The following CSNK2A2IP variants were observed in gnomAD, a reference collection of about 807,000 sequenced individuals.
CSNK2A2IP encodes the protein casein kinase 2 subunit alpha' interacting protein.
chr3:88,444,794 A>G, the CSNK2A2IP span, among the ~76,000 whole-genome samples: 1 of 152,208 alleles, frequency 6.6e-6, no homozygotes, highest in African/African-American at 2.4e-5. Flanking sequence ...TCTTGATTTT[A>G]TATAAGCAAA....
the CSNK2A2IP span, among the ~76,000 whole-genome samples, chr3:88,362,235 CCTT>C: frequency 2.0e-4 from 30 of 152,152 alleles, no homozygotes; most frequent in African/African-American, 7.0e-4. Context: ...TTATACCTGT[CCTT>C]CTTAAGAGAG....
chr3:88,463,897 C>A, the CSNK2A2IP span, among the ~76,000 whole-genome samples: 6 of 151,976 alleles, frequency 3.9e-5, no homozygotes, highest in African/African-American at 1.2e-4. Context: ...GACTTGGAAA[C>A]AACCCAAATG....
the CSNK2A2IP span, among the ~76,000 whole-genome samples, chr3:88,341,871 T>C: frequency 6.6e-6 from 1 of 151,942 alleles, no homozygotes; most frequent in African/African-American, 2.4e-5. Context: ...AAAACAATGG[T>C]GATGGTCTAT....
chr3:88,351,799 G>A, the CSNK2A2IP span, among the ~76,000 whole-genome samples: 1 of 151,970 alleles, frequency 6.6e-6, no homozygotes, highest in South Asian at 2.1e-4. Flanking sequence ...AATTTATGTT[G>A]AAACTTTAAT....
the CSNK2A2IP span, among the ~76,000 whole-genome samples, chr3:88,407,333 C>G: frequency 6.9e-6 from 1 of 145,156 alleles, no homozygotes; most frequent in Non-Finnish European, 1.5e-5. Flanking sequence ...GGTCTGAATG[C>G]ATATTCATGC....
chr3:88,453,978 A>T, the CSNK2A2IP span, among the ~76,000 whole-genome samples: 25 of 152,054 alleles, frequency 1.6e-4, no homozygotes, highest in African/African-American at 5.8e-4. Context: ...ATTATGTGGT[A>T]CATGTATATT....
chr3:88,406,593 T>C, the CSNK2A2IP span, among the ~76,000 whole-genome samples: 6 of 152,202 alleles, frequency 3.9e-5, no homozygotes, highest in Admixed American at 3.9e-4. Flanking sequence ...ATAACACTGA[T>C]TGAATGATTT....
At chr3:88,449,872 T>TAGAG in the CSNK2A2IP span, among the ~76,000 whole-genome samples, 1,126 of 78,980 alleles carry the variant, frequency 0.014, 22 homozygotes, top group Middle Eastern at 0.032. Flanking sequence ...TATATATATA[T>TAGAG]ATAGAGAGAG....
chr3:88,374,796 T>C, the CSNK2A2IP span, among the ~76,000 whole-genome samples: 1 of 151,700 alleles, frequency 6.6e-6, no homozygotes, highest in Non-Finnish European at 1.5e-5. Context: ...TGGGATCCAC[T>C]GTTGCTTCTT....
At chr3:88,350,862 T>C in the CSNK2A2IP span, among the ~76,000 whole-genome samples, 2 of 152,176 alleles carry the variant, frequency 1.3e-5, no homozygotes, top group African/African-American at 4.8e-5. Context: ...GCTCCCATGA[T>C]CTGTTGGTCA....
chr3:88,378,782 C>T, the CSNK2A2IP span, among the ~76,000 whole-genome samples: 1 of 151,716 alleles, frequency 6.6e-6, no homozygotes, highest in Non-Finnish European at 1.5e-5. Flanking sequence ...TCTGTGTATC[C>T]TAATGCATCT....
At chr3:88,344,572 A>G in the CSNK2A2IP span, among the ~76,000 whole-genome samples, 1 of 151,928 alleles carries the variant, frequency 6.6e-6, no homozygotes, top group Non-Finnish European at 1.5e-5. Flanking sequence ...GATTTGATGT[A>G]CCAATTTCTT....
At chr3:88,344,420 T>G in the CSNK2A2IP span, among the ~76,000 whole-genome samples, 1 of 151,966 alleles carries the variant, frequency 6.6e-6, no homozygotes, top group Non-Finnish European at 1.5e-5. Flanking sequence ...AGGTTCATAT[T>G]GAGAAGCTCA....
the CSNK2A2IP span, among the ~76,000 whole-genome samples, chr3:88,356,519 T>C: frequency 6.6e-6 from 1 of 152,152 alleles, no homozygotes; most frequent in African/African-American, 2.4e-5. Flanking sequence ...ATTAGGTTGA[T>C]TCCATATCTT....
chr3:88,355,627 C>T, the CSNK2A2IP span, among the ~76,000 whole-genome samples: 2 of 152,074 alleles, frequency 1.3e-5, no homozygotes, highest in Admixed American at 6.6e-5. Context: ...TTTCTCTTTC[C>T]ATTTAACCCA....
At chr3:88,465,066 C>T in the CSNK2A2IP span, 4 of 250,326 alleles carry the variant, frequency 1.6e-5, no homozygotes, top group East Asian at 7.7e-5. Flanking sequence ...CTTCTGACCT[C>T]TCCTTACTAT....
the CSNK2A2IP span, among the ~76,000 whole-genome samples, chr3:88,370,702 C>A: frequency 6.6e-6 from 1 of 151,260 alleles, no homozygotes; most frequent in African/African-American, 2.4e-5. Flanking sequence ...GATTCTGCAA[C>A]TTTCACATCT....
the CSNK2A2IP span, among the ~76,000 whole-genome samples, chr3:88,422,656 T>C: frequency 6.6e-6 from 1 of 152,216 alleles, no homozygotes; most frequent in Non-Finnish European, 1.5e-5. Flanking sequence ...TCATTGTCAA[T>C]TTGAAAATTT....
the CSNK2A2IP span, among the ~76,000 whole-genome samples, chr3:88,426,581 G>A: frequency 6.6e-6 from 1 of 152,186 alleles, no homozygotes; most frequent in African/African-American, 2.4e-5. Context: ...CCCAGTGGGA[G>A]GTAATTTAAT....
Sources: allele counts gnomAD v4.1 joint callset (sites outside exome capture counted in the v4.1 genomes callset), GRCh38; gene constraint gnomAD v4.1.1; transcripts MANE v1.5; gene names NCBI Gene and HGNC (gene_info 2026-07-23, HGNC 2026-07-21).